GRM5: variants seen among roughly 807,000 people sequenced by gnomAD.
The protein encoded by GRM5 is metabotropic glutamate receptor 5.
In GRM5, 19 loss-of-function variants were observed where a neutral mutation model predicts 83.1. The observed-to-expected ratio is 0.23, with a 90% CI of 0.16 to 0.34. The LOEUF (loss-of-function observed/expected upper bound fraction) is 0.34, where lower values mean the gene tolerates loss of function less well. Ranked by LOEUF, GRM5 falls within the 10% of genes least tolerant of loss-of-function variation. The probability of loss-of-function intolerance (pLI) is 1.00; values close to 1 mark genes in which losing one functional copy is unlikely to be tolerated. For synonymous variants in GRM5, 675 were observed against 633.6 expected (o/e 1.07, Z -0.98); for missense variants, 1,160 against 1,588.3 (o/e 0.73, Z 4.58).
At chr11:88,956,919 T>A (rs886923156) in intron 2 of GRM5, among the ~76,000 whole-genome samples, 1 of 152,224 alleles carries the variant, frequency 6.6e-6, no homozygotes, top group Non-Finnish European at 1.5e-5. Context: ...TAAAATTACA[T>A]ACCTTACTGG....
intron 2 of GRM5, among the ~76,000 whole-genome samples, chr11:88,920,613 C>T (rs1007643104): frequency 2.6e-5 from 4 of 151,996 alleles, no homozygotes; most frequent in Non-Finnish European, 5.9e-5. Flanking sequence ...CAAAACAGGA[C>T]GAAGACACAT....
At chr11:88,809,473 T>C (rs571463195) in intron 3 of GRM5, among the ~76,000 whole-genome samples, 4 of 152,172 alleles carry the variant, frequency 2.6e-5, no homozygotes, top group South Asian at 4.1e-4. Context: ...AGCCAGGCAC[T>C]TTGCTTTATG....
At chr11:88,766,053 T>C (rs1213400597) in intron 3 of GRM5, among the ~76,000 whole-genome samples, 1 of 151,624 alleles carries the variant, frequency 6.6e-6, no homozygotes, top group African/African-American at 2.4e-5. Flanking sequence ...CCAAAGAAGG[T>C]ATCTGAATGG....
At chr11:88,693,027 G>T (rs1449641641) in intron 3 of GRM5, among the ~76,000 whole-genome samples, 1 of 152,156 alleles carries the variant, frequency 6.6e-6, no homozygotes, top group African/African-American at 2.4e-5. Flanking sequence ...GGAGAAAATG[G>T]AGTTTGTATC....
chr11:88,828,173 G>A lies in GRM5; in HGVS notation c.911+21733C>T, dbSNP rs1416284910. ...GGACAGGGGAGGAGCAACAGGACAT[G>A]GATGAGAAAGGCAGAAGAGGTATGT... On this transcript the variant is annotated intron_variant, in intron 3 of 9. Transcript: ENST00000305447. 3.3e-5 allele frequency among the ~76,000 whole-genome samples: 5 copies of A among 152,186 alleles called. No individual in the cohort carries two copies. In the East Asian group the frequency reaches 9.6e-4, roughly 29 times the overall value.
At chr11:89,052,999 T>C (rs1941792656) in intron 1 of GRM5, among the ~76,000 whole-genome samples, 1 of 152,142 alleles carries the variant, frequency 6.6e-6, no homozygotes, top group African/African-American at 2.4e-5. Flanking sequence ...ACACATTGTT[T>C]TAACTATTTC....
chr11:88,777,701 C>T (rs1163047437), intron 3 of GRM5, among the ~76,000 whole-genome samples: 1 of 152,172 alleles, frequency 6.6e-6, no homozygotes, highest in African/African-American at 2.4e-5. Context: ...CCCTCAGCTG[C>T]AGGTCAGTTG....
chr11:88,670,268 T>A (rs914197610), intron 3 of GRM5, among the ~76,000 whole-genome samples: 34 of 151,920 alleles, frequency 2.2e-4, no homozygotes, highest in African/African-American at 8.2e-4. Context: ...TAGACCTAAA[T>A]AGGAATGATA....
At chr11:88,966,331 G>T (rs919154171) in intron 2 of GRM5, among the ~76,000 whole-genome samples, 20 of 151,896 alleles carry the variant, frequency 1.3e-4, no homozygotes, top group Admixed American at 5.3e-4. Context: ...AGAGAATGAA[G>T]AGACAAACTC....
chr11:88,730,250 G>A (rs1244893760), intron 3 of GRM5, among the ~76,000 whole-genome samples: 1 of 152,140 alleles, frequency 6.6e-6, no homozygotes, highest in East Asian at 1.9e-4. Context: ...AGACATTTAT[G>A]CGGCCAACAA....
intron 3 of GRM5, among the ~76,000 whole-genome samples, chr11:88,675,465 A>G (rs1940304250): frequency 1.3e-5 from 2 of 151,980 alleles, no homozygotes; most frequent in African/African-American, 2.4e-5. Flanking sequence ...CTCAAGGAAG[A>G]TATGAGCCTG....
At chr11:88,982,760 C>A (rs1939569661) in intron 2 of GRM5, among the ~76,000 whole-genome samples, 1 of 152,120 alleles carries the variant, frequency 6.6e-6, no homozygotes, top group Admixed American at 6.6e-5. Context: ...TACATTTGTA[C>A]TGATTTCCAT....
rs146534383 is a variant in GRM5, at chr11:88,764,256, C to T, written c.911+85650G>A. On this transcript the variant is annotated intron_variant, in intron 3 of 9. Coordinates refer to ENST00000305447, the MANE Select transcript of GRM5 (RefSeq NM_001143831.3). ...TAAAGAGAGAATAGTCCTATCATAA[C>T]GGTTGCAGACTTCAACACCTCATTC... 3.9e-3 allele frequency among the ~76,000 whole-genome samples: 594 copies of T among 151,572 alleles called. 2 individuals are homozygous for T. Among genetic ancestry groups the T allele is most frequent in the South Asian group, 0.018 (85 of 4,822 alleles).
intron 3 of GRM5, among the ~76,000 whole-genome samples, chr11:88,663,547 T>C (rs911286291): frequency 2.0e-5 from 3 of 152,212 alleles, no homozygotes; most frequent in Admixed American, 2.0e-4. Flanking sequence ...AATGAGCTAT[T>C]GTATCCATAG....
chr11:89,044,350 T>C (rs1367169183), intron 2 of GRM5, among the ~76,000 whole-genome samples: 2 of 152,106 alleles, frequency 1.3e-5, no homozygotes, highest in East Asian at 1.9e-4. Context: ...TTCTGTGTAA[T>C]AGAACAAGCC....
intron 1 of GRM5, among the ~76,000 whole-genome samples, chr11:89,054,349 C>A (rs1440127276): frequency 6.6e-6 from 1 of 152,118 alleles, no homozygotes; most frequent in Non-Finnish European, 1.5e-5. Context: ...AGGATAGAGT[C>A]GCATCGGCTG....
At chr11:88,951,675 C>G (rs1425343211) in intron 2 of GRM5, among the ~76,000 whole-genome samples, 2 of 152,168 alleles carry the variant, frequency 1.3e-5, no homozygotes. Flanking sequence ...CCCTCTGAGT[C>G]TCAGTTTTCT....
chr11:88,660,426 A>T (rs940738899), intron 3 of GRM5, among the ~76,000 whole-genome samples: 1 of 152,180 alleles, frequency 6.6e-6, no homozygotes, highest in Non-Finnish European at 1.5e-5. Flanking sequence ...TGAACTCTCA[A>T]ATGGCAACAT....
chr11:88,569,553 C>T (rs1180700852), intron 7 of GRM5, among the ~76,000 whole-genome samples: 1 of 152,216 alleles, frequency 6.6e-6, no homozygotes, highest in African/African-American at 2.4e-5. Flanking sequence ...GAAAATGACT[C>T]ATGGTAGAAA....
Sources: allele counts gnomAD v4.1 joint callset (sites outside exome capture counted in the v4.1 genomes callset), GRCh38; gene constraint gnomAD v4.1.1; transcripts MANE v1.5; gene names NCBI Gene and HGNC (gene_info 2026-07-23, HGNC 2026-07-21).